PRKCB: variants seen among roughly 807,000 people sequenced by gnomAD.
The protein encoded by PRKCB is protein kinase C beta, also known as protein kinase C beta type.
PRKCB carries 13 observed loss-of-function variants against 81.5 expected under a neutral mutation model. That is an observed-to-expected ratio of 0.16 (90% confidence interval 0.10 to 0.25). PRKCB has a LOEUF of 0.25. PRKCB is among the 10% of genes least tolerant of loss of function. The pLI, the probability that PRKCB is intolerant of heterozygous loss-of-function variation, is 1.00. For synonymous variants in PRKCB, 335 were observed against 321.4 expected (o/e 1.04, Z -0.45); for missense variants, 509 against 875.7 (o/e 0.58, Z 5.29).
chr16:24,023,745 A>T (rs941628511), intron 3 of PRKCB, among the ~76,000 whole-genome samples: 1 of 152,096 alleles, frequency 6.6e-6, no homozygotes, highest in Non-Finnish European at 1.5e-5. Flanking sequence ...TCTGAAACCG[A>T]TGGGTAAATA....
At position 23,996,506 on chromosome 16, in the gene PRKCB, C is replaced by T. The variant is rs148744219; in HGVS notation, c.288+7916C>T. ...TAGGGGTTATCAGCCAGCTACCTGG[C>T]GGCAGGTTGATTACATTGGACCCCT... On this transcript the variant is annotated intron_variant, in intron 3 of 16. Transcript: ENST00000643927. Among the ~76,000 whole-genome samples the T allele has an allele frequency of 3.4e-3, 521 of 152,294 alleles. 3 individuals are homozygous for T. The highest frequency in any genetic ancestry group is 4.6e-3 in the Non-Finnish European group (314 of 68,016).
chr16:24,132,585 G>A (rs542659540), intron 9 of PRKCB, among the ~76,000 whole-genome samples: 3 of 152,222 alleles, frequency 2.0e-5, no homozygotes, highest in African/African-American at 7.2e-5. Flanking sequence ...CTATGTGCCA[G>A]GCTCTGTTAT....
chr16:23,903,298 T>G (rs1451884443), intron 2 of PRKCB, among the ~76,000 whole-genome samples: 1 of 151,756 alleles, frequency 6.6e-6, no homozygotes, highest in Non-Finnish European at 1.5e-5. Context: ...CCCACGTGTG[T>G]GTGGGGGAGT....
chr16:24,056,009 G>C (rs1965899131), intron 5 of PRKCB, among the ~76,000 whole-genome samples: 1 of 152,224 alleles, frequency 6.6e-6, no homozygotes, highest in Non-Finnish European at 1.5e-5. Context: ...GGGCTTCTGT[G>C]TGGCAGAACT....
At chr16:23,966,061 A>G (rs1354481132) in intron 2 of PRKCB, among the ~76,000 whole-genome samples, 1 of 152,254 alleles carries the variant, frequency 6.6e-6, no homozygotes, top group Non-Finnish European at 1.5e-5. Context: ...CCATTAAGCT[A>G]GAGGCTGAGC....
chr16:24,124,663 A>G (rs897319208), intron 9 of PRKCB, among the ~76,000 whole-genome samples: 14 of 152,096 alleles, frequency 9.2e-5, no homozygotes, highest in Admixed American at 5.2e-4. Context: ...TGTTATAAGT[A>G]TTTCTGACTC....
intron 3 of PRKCB, among the ~76,000 whole-genome samples, chr16:23,998,375 G>T (rs1017310232): frequency 6.6e-6 from 1 of 151,298 alleles, no homozygotes; most frequent in Non-Finnish European, 1.5e-5. Flanking sequence ...ATTTTTTTTT[G>T]GAGAACCCTG....
At chr16:23,994,936 C>T in intron 3 of PRKCB, among the ~76,000 whole-genome samples, 1 of 152,118 alleles carries the variant, frequency 6.6e-6, no homozygotes, top group East Asian at 1.9e-4. Flanking sequence ...TGACAATGGT[C>T]CTTTACATTG....
intron 3 of PRKCB, among the ~76,000 whole-genome samples, chr16:24,021,028 C>CTTTCTTTCTTTCTTTCTTTATTTA (rs1567346706): frequency 7.1e-6 from 1 of 140,328 alleles, no homozygotes; most frequent in African/African-American, 2.8e-5. Context: ...TTCTTTCTTT[C>CTTTCTTTCTTTCTTTCTTTATTTA]TTTCTTTCTT....
chr16:24,179,173 G>A (rs1967580930), intron 12 of PRKCB, among the ~76,000 whole-genome samples: 1 of 152,184 alleles, frequency 6.6e-6, no homozygotes, highest in African/African-American at 2.4e-5. Flanking sequence ...GCCCAGATTG[G>A]ATCACATGCC....
intron 7 of PRKCB, chr16:24,111,341 T>A (rs1966673857): frequency 6.6e-6 from 1 of 152,218 alleles, no homozygotes; most frequent in Non-Finnish European, 1.5e-5. Flanking sequence ...GAATGATCTT[T>A]GAGAGCGAGG....
chr16:23,974,715 A>G (rs2141806156), intron 2 of PRKCB, among the ~76,000 whole-genome samples: 1 of 152,278 alleles, frequency 6.6e-6, no homozygotes, highest in African/African-American at 2.4e-5. Context: ...TTGTAAGCAC[A>G]CAAAAGAACT....
At chr16:24,081,142 T>A (rs867743567) in intron 5 of PRKCB, among the ~76,000 whole-genome samples, 4 of 152,166 alleles carry the variant, frequency 2.6e-5, no homozygotes, top group Non-Finnish European at 5.9e-5. Context: ...TAAGAACTCT[T>A]TGTAAACATA....
At chr16:23,847,305 A>C (rs547028998) in intron 2 of PRKCB, among the ~76,000 whole-genome samples, 27 of 152,038 alleles carry the variant, frequency 1.8e-4, no homozygotes, top group African/African-American at 6.3e-4. Context: ...GGGTGGGTAA[A>C]ATATGATCCT....
intron 3 of PRKCB, among the ~76,000 whole-genome samples, chr16:24,001,373 G>A (rs1253201308): frequency 6.6e-6 from 1 of 152,128 alleles, no homozygotes; most frequent in East Asian, 1.9e-4. Flanking sequence ...AATTAGAGAT[G>A]GTAGACACTA....
intron 2 of PRKCB, among the ~76,000 whole-genome samples, chr16:23,895,600 G>C (rs1184728991): frequency 6.6e-6 from 1 of 151,976 alleles, no homozygotes; most frequent in Admixed American, 6.6e-5. Flanking sequence ...TTATGTTATA[G>C]GAGTTAGAGT....
chr16:23,981,583 TCCTTTCCTTC>T (rs1053413409), intron 2 of PRKCB, among the ~76,000 whole-genome samples: 20 of 150,144 alleles, frequency 1.3e-4, no homozygotes, highest in South Asian at 4.2e-4. Context: ...TCTTTTCCTT[TCCTTTCCTTC>T]CCTTCCCTTC....
At chr16:24,062,687 A>G (rs1000042526) in intron 5 of PRKCB, among the ~76,000 whole-genome samples, 3 of 152,068 alleles carry the variant, frequency 2.0e-5, no homozygotes, top group Admixed American at 2.0e-4. Flanking sequence ...GTGCAGCCAC[A>G]TTTGATCTCC....
chr16:24,095,750 C>A (rs181471648), intron 7 of PRKCB, among the ~76,000 whole-genome samples: 3 of 151,796 alleles, frequency 2.0e-5, no homozygotes, highest in African/African-American at 4.8e-5. Flanking sequence ...GCGGTCTGGT[C>A]GGGGTGGAGC....
Sources: gnomAD v4.1 joint callset for allele counts (sites outside exome capture counted in the v4.1 genomes callset) on GRCh38, gnomAD v4.1.1 for gene constraint, MANE v1.5 for transcripts, NCBI Gene and HGNC (gene_info 2026-07-23, HGNC 2026-07-21) for gene names.